Variants in EP400 observed in about 807,000 individuals in gnomAD.
EP400 encodes E1A binding protein p400, also known as E1A-binding protein p400.
EP400 carries 105 observed loss-of-function variants against 354.1 expected under a neutral mutation model. The ratio of observed to expected loss-of-function variants is 0.30; its 90% CI spans 0.25 to 0.35. EP400 has a LOEUF of 0.35. Ranked by LOEUF, EP400 falls within the 10% of genes least tolerant of loss-of-function variation. The probability of loss-of-function intolerance (pLI) is 1.00; values close to 1 mark genes in which losing one functional copy is unlikely to be tolerated. For synonymous variants in EP400, 1,646 were observed against 1,716.9 expected (o/e 0.96, Z 1.02); for missense variants, 3,280 against 4,121.0 (o/e 0.80, Z 5.59).
chr12:132,064,914 A>T (rs201220913), intron 48 of EP400, 28 bp downstream of exon 48: 15 of 1,572,790 alleles, frequency 9.5e-6, no homozygotes, highest in Non-Finnish European at 1.2e-5. Flanking sequence ...TTTGTTTTCC[A>T]AAAGCAGCAT....
At chr12:132,006,593 G>A (rs1178325188) in intron 14 of EP400, 107 bp from the exon 15 acceptor site, 1 of 1,161,594 alleles carries the variant, frequency 8.6e-7, no homozygotes, top group Non-Finnish European at 1.2e-6. Context: ...GATCATTTTT[G>A]TGGCTTTCTA....
chr12:132,037,767 G>T lies in EP400; in HGVS notation c.6037G>T (p.Asp2013Tyr). The change falls in exon 31 of 53, where the codon GAC becomes TAC. Residue 2013 changes from aspartate to tyrosine, a missense_variant. Transcript: ENST00000389561. ...CCGAGAAGTGGCTGCTCAGGGAAAT[G>T]ACTACTCCATGGCTTTCTTAACTCA... ...LIREVAAQGN[D>Y]YSMAFLTQRT... 1 of 1,614,204 alleles carries T rather than the reference G, an allele frequency of 6.2e-7. No homozygotes were observed. The highest frequency in any genetic ancestry group is 8.5e-7 in the Non-Finnish European group (1 of 1,180,040).
chr12:132,020,873 C>T (rs1224698203), intron 22 of EP400, among the ~76,000 whole-genome samples: 4 of 152,188 alleles, frequency 2.6e-5, no homozygotes, highest in Admixed American at 6.5e-5. Flanking sequence ...TACTGTAGCT[C>T]GAAGTGAAGA....
In EP400 at chr12:132,064,529, G is replaced by A. The variant is rs1027369763; in HGVS notation, c.8335-139G>A. On this transcript the variant is annotated intron_variant, in intron 47 of 52. Transcript: ENST00000389561. ...GAAGATACTGGGCAGCCCATGGAAG[G>A]CGGTCTGGATGCTGCACGGTAGCAG... 9 of 1,137,162 alleles carry A rather than the reference G, an allele frequency of 7.9e-6. No individual in the cohort carries two copies. The African/African-American group carries it at 1.4e-4, about 18-fold the overall frequency. The allele number at this position is 1,137,162 out of a possible 1,614,324, so 70.4% of individuals were successfully genotyped here. A position where few individuals can be genotyped will look rare whatever the true frequency, so the allele number is the denominator to read the frequency against.
chr12:132,029,811 A>G lies in EP400; in HGVS notation c.5492A>G (p.Glu1831Gly). Residue 1831 changes from glutamate (E) to glycine (G), a missense_variant, in exon 28 of 53, where the codon GAG becomes GGG. Around this residue, in one of 20 missense-constraint regions of EP400, gnomAD observed 459 missense variants for 496.9 expected, o/e 0.92. Transcript: ENST00000389561. The surrounding 1 kb of genome is among the most constrained non-coding windows in gnomAD (Gnocchi z 4.7). Reference protein sequence around the residue: ...RMRILRQGLREHAAPYFQQLR... With the variant: ...RMRILRQGLRGHAAPYFQQLR... ...AGGATCTTGAGGCAGGGCCTGAGAG[A>G]GCACGCTGCGCCGTACTTCCAGCAG... 6.2e-7 allele frequency: 1 copy of G among 1,613,546 alleles called. No homozygotes were observed. Among genetic ancestry groups the G allele is most frequent in the Non-Finnish European group, 8.5e-7 (1 of 1,180,026 alleles).
In EP400 at chr12:131,961,853, G is replaced by A. The variant is rs751264514; in HGVS notation, c.1234G>A (p.Ala412Thr). 148 of 1,614,076 alleles carry A rather than the reference G, an allele frequency of 9.2e-5. No individual in the cohort carries two copies. Among genetic ancestry groups the A allele is most frequent in the Non-Finnish European group, 1.2e-4 (137 of 1,180,052 alleles). The change falls in exon 2 of 53, where the codon GCC becomes ACC. Residue 412 changes from alanine to threonine, a missense_variant. Transcript: ENST00000389561. ...DFLAFKKKHY[A>T]PLQAYLRQND... ...CTTAGCTTTCAAGAAGAAACATTAT[G>A]CCCCATTACAAGCATATCTTAGGCA... is the stretch of plus-strand genomic sequence containing the variant.
chr12:132,013,497 C>T lies in EP400; in HGVS notation c.3619C>T (p.Arg1207Cys), dbSNP rs1893830391. Reference sequence around the variant, plus strand: ...CTCTTGTCCTGTTTGCAGCCAACAACGTCTGCTTCTGATCGACTCGCCGCT... The same window carrying T: ...CTCTTGTCCTGTTTGCAGCCAACAATGTCTGCTTCTGATCGACTCGCCGCT... ...EAVFTLQSQQ[R>C]LLLIDSPLHN... The change falls in exon 18 of 53, where the codon CGT becomes TGT. Residue 1207 changes from arginine (R) to cysteine (C), a missense_variant. Coordinates refer to ENST00000389561, the MANE Select transcript of EP400 (RefSeq NM_015409.5). The surrounding 1 kb of genome is among the most constrained non-coding windows in gnomAD (Gnocchi z 4.5). 6.4e-7 allele frequency: 1 copy of T among 1,563,564 alleles called. No homozygotes were observed. The highest frequency in any genetic ancestry group is 1.2e-5 in the South Asian group (1 of 83,608).
At chr12:131,964,500 A>C (rs1892009306) in intron 2 of EP400, among the ~76,000 whole-genome samples, 1 of 152,124 alleles carries the variant, frequency 6.6e-6, no homozygotes. Flanking sequence ...AAAACCAAAC[A>C]AACCATCAAA....
intron 15 of EP400, among the ~76,000 whole-genome samples, chr12:132,009,920 C>G (rs1483237882): frequency 6.7e-6 from 1 of 148,628 alleles, no homozygotes; most frequent in African/African-American, 2.5e-5. Flanking sequence ...AAAGATCCTC[C>G]TGCCTTGGCT....
In EP400 at chr12:132,077,952, T is replaced by C. The variant is rs1896287651; in HGVS notation, c.*279T>C. 1 of 458,974 alleles carries C rather than the reference T, an allele frequency of 2.2e-6. No individual in the cohort carries two copies. Among genetic ancestry groups the C allele is most frequent in the East Asian group, 3.8e-5 (1 of 26,028 alleles). The allele number at this position is 458,974 out of a possible 1,614,324, so 28.4% of individuals were successfully genotyped here. ...ACCTTTCAGTCCCCACCCGCACCCG[T>C]CCCCTAGAGCCATAGTACTGTGTTC... On this transcript the variant is annotated 3_prime_UTR_variant, in exon 53 of 53. Transcript: ENST00000389561.
At chr12:132,059,430 A>G (rs1895615199) in intron 45 of EP400, among the ~76,000 whole-genome samples, 1 of 151,924 alleles carries the variant, frequency 6.6e-6, no homozygotes, top group Admixed American at 6.6e-5. Context: ...TATTACCTTA[A>G]AAGTGTCTCC....
chr12:132,056,788 A>G (rs1268680861), intron 45 of EP400, among the ~76,000 whole-genome samples: 1 of 152,252 alleles, frequency 6.6e-6, no homozygotes, highest in East Asian at 1.9e-4. Flanking sequence ...GAGAAATAGT[A>G]AGAAAACGAA....
At chr12:132,062,836 C>A in intron 47 of EP400, 135 bp downstream of exon 47, 1 of 1,108,732 alleles carries the variant, frequency 9.0e-7, no homozygotes, top group Non-Finnish European at 1.3e-6. Context: ...TTATGTAGGA[C>A]GCGTGCTTCG....
chr12:132,055,274 T>C (rs1285643631), intron 45 of EP400, 66 bp downstream of exon 45: 1 of 1,267,462 alleles, frequency 7.9e-7, no homozygotes, highest in African/African-American at 1.5e-5. Context: ...TGCTTGTCTG[T>C]TAATTCTTCT....
chr12:132,026,885 G>C (rs1894325325), intron 25 of EP400, among the ~76,000 whole-genome samples: 1 of 152,230 alleles, frequency 6.6e-6, no homozygotes, highest in African/African-American at 2.4e-5. Flanking sequence ...CGCACTAAGT[G>C]GCATGGCTTC....
intron 2 of EP400, among the ~76,000 whole-genome samples, chr12:131,970,814 C>T (rs957141653): frequency 2.0e-5 from 3 of 152,164 alleles, no homozygotes; most frequent in African/African-American, 7.2e-5. Context: ...GTGATTACCG[C>T]AATCAAATTA....
intron 1 of EP400, among the ~76,000 whole-genome samples, chr12:131,952,806 G>C (rs544043289): frequency 3.3e-5 from 5 of 152,210 alleles, no homozygotes; most frequent in African/African-American, 1.2e-4. Context: ...CGGTTTGTCT[G>C]TTGCCCGCTG....
At chr12:132,030,261 A>C (rs537380087) in intron 29 of EP400, 103 bp downstream of exon 29, 833 of 1,339,258 alleles carry the variant, frequency 6.2e-4, no homozygotes, top group Non-Finnish European at 7.1e-4. Flanking sequence ...TCTAAGTGAA[A>C]GGGGAGGGAC....
chr12:132,003,639 C>G (rs1893489908), intron 12 of EP400, among the ~76,000 whole-genome samples: 1 of 152,024 alleles, frequency 6.6e-6, no homozygotes, highest in Non-Finnish European at 1.5e-5. Flanking sequence ...CTTGTTTTTC[C>G]TACTTACATA....
Sources: allele counts gnomAD v4.1 joint callset (sites outside exome capture counted in the v4.1 genomes callset), GRCh38; gene constraint gnomAD v4.1.1; regional missense constraint gnomAD v4.1.1; non-coding constraint Gnocchi (gnomAD v3.1); transcripts MANE v1.5; gene names NCBI Gene and HGNC (gene_info 2026-07-23, HGNC 2026-07-21).